The following RRBP1 variants were observed in gnomAD, a reference collection of about 807,000 sequenced individuals.
RRBP1 encodes ribosome-binding protein 1.
RRBP1 carries 94 observed loss-of-function variants against 165.2 expected under a neutral mutation model. The observed-to-expected ratio is 0.57, with a 90% CI of 0.48 to 0.68. The LOEUF (loss-of-function observed/expected upper bound fraction) is 0.68, where lower values mean the gene tolerates loss of function less well. RRBP1 is among the 30% of genes least tolerant of loss of function. The probability of loss-of-function intolerance (pLI) is 0.00; values close to 1 mark genes in which losing one functional copy is unlikely to be tolerated. For missense variants in RRBP1, 1,676 were observed against 1,763.0 expected (o/e 0.95, Z 0.88); for synonymous variants, 680 against 714.5 (o/e 0.95, Z 0.77).
At chr20:17,636,840 C>A in intron 5 of RRBP1, 111 bp from the exon 6 acceptor site, 3 of 1,344,838 alleles carry the variant, frequency 2.2e-6, no homozygotes, top group Non-Finnish European at 3.1e-6. Context: ...AGAGCACAGA[C>A]CCCTCCTGCT....
chr20:17,620,273 A>G (rs767586849), intron 18 of RRBP1, 26 bp downstream of exon 18: 2 of 1,575,012 alleles, frequency 1.3e-6, no homozygotes, highest in South Asian at 1.1e-5. Context: ...GGACAAGAGA[A>G]AGAGTTCTCT....
Position 17,660,149 on chromosome 20 carries a change from G to C in RRBP1, c.359C>G (p.Pro120Arg), listed in dbSNP as rs1193349436. The change falls in exon 3 of 25, where the codon CCT becomes CGT. Residue 120 changes from proline to arginine, a missense_variant. Coordinates refer to ENST00000377813, the MANE Select transcript of RRBP1 (RefSeq NM_001365613.2). Reference protein sequence around the residue: ...TPVQPPIIVAPVATVPAMPQE... With the variant: ...TPVQPPIIVARVATVPAMPQE... ...GGGCATGGCTGGAACTGTGGCGACA[G>C]GAGCAACGATAATGGGGGGCTGCAC... 15 of 1,614,202 alleles carry C rather than the reference G, an allele frequency of 9.3e-6. No homozygotes were observed. In the South Asian group the frequency reaches 1.5e-4, roughly 17 times the overall value.
At chr20:17,637,355 G>C (rs1428449254) in intron 5 of RRBP1, among the ~76,000 whole-genome samples, 1 of 152,136 alleles carries the variant, frequency 6.6e-6, no homozygotes, top group Non-Finnish European at 1.5e-5. Flanking sequence ...TGGGAAGGCT[G>C]GCCATGGTCT....
intron 1 of RRBP1, among the ~76,000 whole-genome samples, chr20:17,681,568 G>A (rs2122533194): frequency 1.4e-5 from 1 of 70,712 alleles, no homozygotes; most frequent in Non-Finnish European, 3.0e-5. Flanking sequence ...CCTCCGGCCC[G>A]GACTCCAGCC....
At chr20:17,672,412 C>T (rs2036995125) in intron 2 of RRBP1, among the ~76,000 whole-genome samples, 1 of 152,200 alleles carries the variant, frequency 6.6e-6, no homozygotes, top group Non-Finnish European at 1.5e-5. Flanking sequence ...TTAACGAATT[C>T]TGCCAGCCTA....
At chr20:17,630,055 C>T in intron 8 of RRBP1, 94 bp from the exon 9 acceptor site, 2 of 1,384,416 alleles carry the variant, frequency 1.4e-6, no homozygotes, top group Non-Finnish European at 9.8e-7. Flanking sequence ...CTTTACCCCA[C>T]CAAAGCCCCG....
At chr20:17,648,348 T>C (rs1193586017) in intron 3 of RRBP1, among the ~76,000 whole-genome samples, 1 of 152,236 alleles carries the variant, frequency 6.6e-6, no homozygotes, top group East Asian at 1.9e-4. Flanking sequence ...ACTCCTGCTC[T>C]CACTCATTGC....
Position 17,615,519 on chromosome 20 carries a change from G to A in RRBP1, c.3962C>T (p.Ser1321Leu), listed in dbSNP as rs146214602. Residue 1321 changes from serine to leucine, a missense_variant, in exon 23 of 25, where the codon TCG (serine) becomes TTG (leucine). Physicochemically the swap from Ser to Leu is moderately radical, Grantham distance 145. Transcript: ENST00000377813. Reference sequence around the variant, plus strand: ...CAATTCTTCTTGTAACCGACATGCCGAGGTCTGAGCCTTGCCGGAGAGGGA... The same window carrying A: ...CAATTCTTCTTGTAACCGACATGCCAAGGTCTGAGCCTTGCCGGAGAGGGA... ...LTAEFEEAQT[S>L]ACRLQEELEK... 119 of 1,606,762 alleles carry A rather than the reference G, an allele frequency of 7.4e-5. No homozygotes were observed. Among genetic ancestry groups the A allele is most frequent in the Non-Finnish European group, 9.4e-5 (111 of 1,177,648 alleles).
At chr20:17,670,914 C>T (rs2036965083) in intron 2 of RRBP1, among the ~76,000 whole-genome samples, 1 of 152,212 alleles carries the variant, frequency 6.6e-6, no homozygotes, top group Non-Finnish European at 1.5e-5. Flanking sequence ...AGTACTGGCT[C>T]TGTCCTCGCT....
chr20:17,668,084 ATGTT>A (rs1355448514), intron 2 of RRBP1, among the ~76,000 whole-genome samples: 2 of 152,176 alleles, frequency 1.3e-5, no homozygotes, highest in Admixed American at 6.5e-5. Context: ...ATTCAGCAAA[ATGTT>A]TGTAAGTGTA....
chr20:17,665,968 T>G (rs903185637), intron 2 of RRBP1, among the ~76,000 whole-genome samples: 14 of 152,206 alleles, frequency 9.2e-5, no homozygotes, highest in Non-Finnish European at 1.8e-4. Flanking sequence ...CCCCACAGAC[T>G]CAGATGGCCA....
At chr20:17,628,876 A>G (rs947720651) in intron 9 of RRBP1, among the ~76,000 whole-genome samples, 1 of 152,272 alleles carries the variant, frequency 6.6e-6, no homozygotes, top group Non-Finnish European at 1.5e-5. Context: ...CTTTGAACAC[A>G]GCCAGGCCCC....
At position 17,620,835 on chromosome 20, in the gene RRBP1, C is replaced by A. The variant is rs762174822; in HGVS notation, c.3415-28G>T. Reference sequence around the variant, plus strand: ...GGGGGGAAACCGAGGTGAGGCAGGGCCCTCTCCCTCCCGAGACCCGCACCA... The same window carrying A: ...GGGGGGAAACCGAGGTGAGGCAGGGACCTCTCCCTCCCGAGACCCGCACCA... On this transcript the variant is annotated intron_variant, in intron 16 of 24. Coordinates refer to ENST00000377813, the MANE Select transcript of RRBP1 (RefSeq NM_001365613.2). 7.8e-6 allele frequency: 12 copies of A among 1,534,170 alleles called. No homozygotes were observed. The Admixed American group carries it at 1.2e-4, about 15-fold the overall frequency.
At chr20:17,663,941 A>T (rs765412667) in intron 2 of RRBP1, among the ~76,000 whole-genome samples, 4 of 152,224 alleles carry the variant, frequency 2.6e-5, no homozygotes, top group African/African-American at 4.8e-5. Flanking sequence ...TACTCCCTGC[A>T]GTGGTCCTCC....
Position 17,658,837 on chromosome 20 carries a change from G to A in RRBP1, c.1671C>T (p.Gly557=). The change falls in exon 3 of 25, where the codon GGC becomes GGT. Residue 557 remains glycine, a synonymous_variant. Transcript: ENST00000377813. ...GKKADSVANQ[G]TKVEGITNQG... is the part of the protein sequence containing the mutation. ...GGTTTGTAATACCCTCTACCTTTGTGCCCTGATTAGCAACCGAATCTGCCT... is the reference window on the plus strand; with the variant it reads ...GGTTTGTAATACCCTCTACCTTTGTACCCTGATTAGCAACCGAATCTGCCT... The A allele has an allele frequency of 6.2e-7, 1 of 1,613,958 alleles. No homozygotes were observed. Among genetic ancestry groups the A allele is most frequent in the Non-Finnish European group, 8.5e-7 (1 of 1,179,888 alleles).
At chr20:17,622,830 A>T (rs2035940511) in intron 13 of RRBP1, 1 of 152,194 alleles carries the variant, frequency 6.6e-6, no homozygotes, top group African/African-American at 2.4e-5. Flanking sequence ...AGACCCAGGG[A>T]GGCCCCAGGA....
At position 17,613,971 on chromosome 20, in the gene RRBP1, T is replaced by C; in HGVS notation, c.*211A>G. 1 of 591,402 alleles carries C rather than the reference T, an allele frequency of 1.7e-6. No homozygotes were observed. The highest frequency in any genetic ancestry group is 3.0e-6 in the Non-Finnish European group (1 of 329,338). 36.6% of individuals were successfully genotyped at this position (591,402 alleles called of 1,614,324 possible). Reference sequence around the variant, plus strand: ...TGGCCCGGGGCTGCGCCCAGGATAGTGTTTATCAAATGTGACACAGGTTCA... The same window carrying C: ...TGGCCCGGGGCTGCGCCCAGGATAGCGTTTATCAAATGTGACACAGGTTCA... On this transcript the variant is annotated 3_prime_UTR_variant, in exon 25 of 25. Coordinates refer to ENST00000377813, the MANE Select transcript of RRBP1 (RefSeq NM_001365613.2).
At chr20:17,675,251 T>C (rs1484175330) in intron 2 of RRBP1, among the ~76,000 whole-genome samples, 1 of 152,240 alleles carries the variant, frequency 6.6e-6, no homozygotes, top group Non-Finnish European at 1.5e-5. Context: ...CACTTGCATT[T>C]GGCTCTGGAA....
intron 2 of RRBP1, among the ~76,000 whole-genome samples, chr20:17,664,212 T>C (rs1189054498): frequency 6.6e-6 from 1 of 152,144 alleles, no homozygotes; most frequent in African/African-American, 2.4e-5. Context: ...AGACAGTGGA[T>C]CTGAAAGCTG....
Sources: gnomAD v4.1 joint callset for allele counts (sites outside exome capture counted in the v4.1 genomes callset) on GRCh38, gnomAD v4.1.1 for gene constraint, MANE v1.5 for transcripts, NCBI Gene and HGNC (gene_info 2026-07-23, HGNC 2026-07-21) for gene names.